TRPS1: variants seen among roughly 807,000 people sequenced by gnomAD.
TRPS1 encodes transcriptional repressor GATA binding 1, also known as zinc finger transcription factor Trps1.
A neutral mutation model predicts 101.2 loss-of-function variants in TRPS1; 6 were observed. The observed-to-expected ratio is 0.06, with a 90% confidence interval of 0.03 to 0.12. The LOEUF (loss-of-function observed/expected upper bound fraction) is 0.12. Ranked by LOEUF, TRPS1 falls within the 10% of genes least tolerant of loss-of-function variation. The pLI, the probability that TRPS1 is intolerant of heterozygous loss-of-function variation, is 1.00. For missense variants in TRPS1, 1,363 were observed against 1,567.0 expected (o/e 0.87, Z 2.20); for synonymous variants, 578 against 589.8 (o/e 0.98, Z 0.29).
At chr8:115,475,509 T>C (rs1364605974) in intron 5 of TRPS1, among the ~76,000 whole-genome samples, 1 of 151,966 alleles carries the variant, frequency 6.6e-6, no homozygotes, top group Non-Finnish European at 1.5e-5. Context: ...AAGAAAGCAG[T>C]TCAGTCTCAG....
intron 5 of TRPS1, among the ~76,000 whole-genome samples, chr8:115,456,739 C>G (rs549048450): frequency 6.6e-6 from 1 of 152,050 alleles, no homozygotes; most frequent in South Asian, 2.1e-4. Flanking sequence ...TACTCCCCCC[C>G]AAAAACATAA....
intron 5 of TRPS1, among the ~76,000 whole-genome samples, chr8:115,493,904 C>T (rs1407174504): frequency 6.6e-6 from 1 of 152,024 alleles, no homozygotes. Flanking sequence ...TTTTATTTTA[C>T]TGGAAAGAAA....
intron 5 of TRPS1, among the ~76,000 whole-genome samples, chr8:115,467,192 A>T (rs1340219130): frequency 6.6e-6 from 1 of 152,184 alleles, no homozygotes; most frequent in Non-Finnish European, 1.5e-5. Context: ...GAACCAAAAA[A>T]AAAATGCATT....
intron 5 of TRPS1, among the ~76,000 whole-genome samples, chr8:115,456,396 T>G (rs1260114216): frequency 6.6e-6 from 1 of 152,154 alleles, no homozygotes; most frequent in Non-Finnish European, 1.5e-5. Flanking sequence ...CTTTTTTTCC[T>G]CAATTCTTAC....
chr8:115,624,958 A>G (rs1005076529), intron 1 of TRPS1, among the ~76,000 whole-genome samples: 3 of 151,722 alleles, frequency 2.0e-5, no homozygotes, highest in Admixed American at 6.6e-5. Context: ...TATATTATAT[A>G]TAAATATATA....
chr8:115,632,853 C>T (rs1209673200), intron 1 of TRPS1, among the ~76,000 whole-genome samples: 1 of 152,098 alleles, frequency 6.6e-6, no homozygotes, highest in East Asian at 1.9e-4. Context: ...AGGAGGAGCA[C>T]AAAGGGCTTC....
At chr8:115,597,476 G>A (rs1817813140) in intron 4 of TRPS1, among the ~76,000 whole-genome samples, 1 of 151,642 alleles carries the variant, frequency 6.6e-6, no homozygotes, top group African/African-American at 2.4e-5. Flanking sequence ...ATTTCTTTTT[G>A]GCTTAATATG....
At chr8:115,535,212 A>G (rs1421646466) in intron 5 of TRPS1, among the ~76,000 whole-genome samples, 1 of 144,344 alleles carries the variant, frequency 6.9e-6, no homozygotes, top group Admixed American at 6.9e-5. Flanking sequence ...GCATATGTAT[A>G]GCATATATAG....
rs534269325 is a variant in TRPS1, at chr8:115,615,860, C to T, written c.966+3272G>A. Among the ~76,000 whole-genome samples the T allele has an allele frequency of 1.3e-4, 20 of 152,150 alleles. 1 individual carries two copies. In the South Asian group the frequency reaches 3.7e-3, roughly 28 times the overall value. ...TGGTCTCCATGTGAGCCTCTATGGC[C>T]GAATACAGATAGTAAATATTACATG... On this transcript the variant is annotated intron_variant, in intron 3 of 6. Coordinates refer to ENST00000395715, the MANE Select transcript of TRPS1 (RefSeq NM_014112.5).
At position 115,412,037 on chromosome 8, in the gene TRPS1, A is replaced by G. The variant is rs934613213; in HGVS notation, c.*1986T>C. The G allele has an allele frequency of 1.2e-3, 55 of 44,014 alleles. No homozygotes were observed. The highest frequency in any genetic ancestry group is 9.0e-3 in the African/African-American group (54 of 5,994). The allele number at this position is 44,014 out of a possible 1,614,324, so 2.7% of individuals were successfully genotyped here. A position where few individuals can be genotyped will look rare whatever the true frequency, so the allele number is the denominator to read the frequency against. ...GTGCAAATGCGACTACAGAATGCAA[A>G]AAAAAATCAGCGTTGCAGATTCCAG... On this transcript the variant is annotated 3_prime_UTR_variant, in exon 7 of 7. Transcript: ENST00000395715.
intron 2 of TRPS1, among the ~76,000 whole-genome samples, chr8:115,620,918 C>T (rs943735434): frequency 6.6e-6 from 1 of 152,166 alleles, no homozygotes; most frequent in African/African-American, 2.4e-5. Flanking sequence ...TGGAAACTGA[C>T]TAAGAAAGAA....
chr8:115,494,811 G>A (rs959406925), intron 5 of TRPS1, among the ~76,000 whole-genome samples: 1 of 152,050 alleles, frequency 6.6e-6, no homozygotes, highest in African/African-American at 2.4e-5. Context: ...TCGATGAATC[G>A]GCTCCCAAAG....
In TRPS1 at chr8:115,409,172, ATAT is replaced by A. The variant is rs775143556; in HGVS notation, c.*4848_*4850del. 8.7e-5 allele frequency: 13 copies of A among 149,010 alleles called. 1 individual carries two copies. The highest frequency in any genetic ancestry group is 2.7e-4 in the Admixed American group (4 of 14,846). The allele number at this position is 149,010 out of a possible 1,614,324, so 9.2% of individuals were successfully genotyped here. A position where few individuals can be genotyped will look rare whatever the true frequency, so the allele number is the denominator to read the frequency against. On this transcript the variant is annotated 3_prime_UTR_variant, in exon 7 of 7. Coordinates refer to ENST00000395715, the MANE Select transcript of TRPS1 (RefSeq NM_014112.5). ...TACATTACCATTATTATTATTAATAATATTATTAATACATATATTTTTCAATTT... is the reference window on the plus strand; with the variant it reads ...TACATTACCATTATTATTATTAATAATATTAATACATATATTTTTCAATTT...
intron 5 of TRPS1, among the ~76,000 whole-genome samples, chr8:115,450,822 A>G (rs1030667119): frequency 1.3e-5 from 2 of 152,252 alleles, no homozygotes; most frequent in African/African-American, 4.8e-5. Flanking sequence ...TTTAGTGTTC[A>G]CACCTTACAA....
intron 4 of TRPS1, among the ~76,000 whole-genome samples, chr8:115,591,696 A>T (rs1817682414): frequency 6.6e-6 from 1 of 152,168 alleles, no homozygotes; most frequent in Admixed American, 6.5e-5. Flanking sequence ...AAGAGTGGGG[A>T]TAGGAATAAA....
intron 5 of TRPS1, among the ~76,000 whole-genome samples, chr8:115,574,524 G>C (rs1817273825): frequency 6.6e-6 from 1 of 152,092 alleles, no homozygotes. Flanking sequence ...ACATAGAATA[G>C]TTTTGTACTC....
chr8:115,622,151 T>C (rs1265756698), intron 2 of TRPS1, among the ~76,000 whole-genome samples: 1 of 152,052 alleles, frequency 6.6e-6, no homozygotes, highest in Non-Finnish European at 1.5e-5. Context: ...TTGGTGTCAT[T>C]CTATTAGGCC....
Position 115,639,138 on chromosome 8 carries a change from A to G in TRPS1, c.-121-15380T>C, listed in dbSNP as rs74761560. On this transcript the variant is annotated intron_variant, in intron 1 of 6. Transcript: ENST00000395715. ...GAGTGCAGTGGCATGATCATGGCTC[A>G]TTGCAGCCTTGACCTTCCAGACTCA... Among the ~76,000 whole-genome samples the G allele has an allele frequency of 2.3e-3, 345 of 152,242 alleles. 9 individuals are homozygous for G. In the East Asian group the frequency reaches 0.06, roughly 26 times the overall value.
chr8:115,476,810 AC>A (rs1273453653), intron 5 of TRPS1, among the ~76,000 whole-genome samples: 1 of 152,232 alleles, frequency 6.6e-6, no homozygotes, highest in African/African-American at 2.4e-5. Flanking sequence ...ATTCAGAGCC[AC>A]AACTGATACA....
Sources: gnomAD v4.1 joint callset for allele counts (sites outside exome capture counted in the v4.1 genomes callset) on GRCh38, gnomAD v4.1.1 for gene constraint, MANE v1.5 for transcripts, NCBI Gene and HGNC (gene_info 2026-07-23, HGNC 2026-07-21) for gene names.